Variants in CACNA1G observed in about 807,000 individuals in gnomAD.
CACNA1G encodes calcium voltage-gated channel subunit alpha1 G.
In CACNA1G, 67 loss-of-function variants were observed where a neutral mutation model predicts 219.4. That is an observed-to-expected ratio of 0.31 (90% CI 0.25 to 0.37). CACNA1G has a LOEUF of 0.37. Ranked by LOEUF, CACNA1G falls within the 10% of genes least tolerant of loss-of-function variation. The pLI, the probability that CACNA1G is intolerant of heterozygous loss-of-function variation, is 1.00. For missense variants in CACNA1G, 2,380 were observed against 3,231.4 expected, an observed-to-expected ratio of 0.74 and a Z score of 6.39; for synonymous variants, 1,296 against 1,345.3, an observed-to-expected ratio of 0.96 and a Z score of 0.80.
rs370576624 is a variant in CACNA1G at position 50,601,075 on chromosome 17, C to T, written c.3816C>T (p.Ile1272=). 1.5e-5 allele frequency: 24 copies of T among 1,613,894 alleles called. No individual in the cohort carries two copies. In the African/African-American group the frequency reaches 2.7e-4, roughly 18 times the overall value. ...GGTTCCGCCTCCTGTGTCACCGGAT[C>T]ATCACCCACAAGATGTTCGACCACG... ...QSRFRLLCHR[I]ITHKMFDHVV... is the part of the protein sequence containing the mutation. The change falls in exon 19 of 38, where the codon ATC becomes ATT. Residue 1272 remains isoleucine, a synonymous_variant. Coordinates refer to ENST00000359106, the MANE Select transcript of CACNA1G (RefSeq NM_018896.5).
intron 33 of CACNA1G, among the ~76,000 whole-genome samples, chr17:50,619,394 T>A (rs1015287000): frequency 6.6e-6 from 1 of 152,120 alleles, no homozygotes; most frequent in African/African-American, 2.4e-5. Context: ...TCCATCCTTT[T>A]ATCTTCTCTT....
Position 50,599,630 on chromosome 17 carries a change from C to A in CACNA1G, c.3461C>A (p.Ala1154Glu), listed in dbSNP as rs753357544. ...TCAGAAGAGGAGCGGGCCAGCCCTG[C>A]GGGCAGTGACCATCGCCACAGGGGG... ...ESSEEERASP[A>E]GSDHRHRGSL... The change falls in exon 17 of 38, where the codon GCG (alanine) becomes GAG (glutamate). Residue 1154 changes from alanine (A) to glutamate (E), a missense_variant. By Grantham distance (107) the Ala-to-Glu change is moderately radical. This residue lies in a region of CACNA1G where 418 missense variants were observed against 434.3 expected (regional missense o/e 0.96). Transcript: ENST00000359106. The A allele has an allele frequency of 6.2e-7, 1 of 1,612,724 alleles. No homozygotes were observed. The highest frequency in any genetic ancestry group is 2.2e-5 in the East Asian group (1 of 44,846).
intron 25 of CACNA1G, among the ~76,000 whole-genome samples, chr17:50,609,645 C>A (rs1598614670): frequency 1.3e-5 from 2 of 152,306 alleles, no homozygotes; most frequent in East Asian, 3.9e-4. Context: ...CGGCTGCCTG[C>A]CCCTCCCGGT....
intron 35 of CACNA1G, among the ~76,000 whole-genome samples, chr17:50,622,025 C>T (rs2052238972): frequency 6.6e-6 from 1 of 152,158 alleles, no homozygotes; most frequent in South Asian, 2.1e-4. Context: ...TGGGGCCTTG[C>T]CCTGAAGGGT....
rs1303318542 is a variant in CACNA1G, at chr17:50,561,614, C to T, written c.155C>T (p.Pro52Leu). 5 of 1,593,512 alleles carry T rather than the reference C, an allele frequency of 3.1e-6. No homozygotes were observed. The highest frequency in any genetic ancestry group is 1.3e-5 in the African/African-American group (1 of 74,688). The stretch of plus-strand genomic sequence containing the variant: ...GCGGACTCCGAGGCGGAGGGGCTGC[C>T]GTACCCGGCGCTGGCCCCGGTGGTT... ...GSADSEAEGL[P>L]YPALAPVVFF... Residue 52 changes from proline (P) to leucine (L), a missense_variant, in exon 1 of 38, where the codon CCG becomes CTG. Pro to Leu is a moderately conservative substitution (Grantham distance 98). Transcript: ENST00000359106.
In CACNA1G at chr17:50,617,618, G is replaced by A. The variant is rs550089462; in HGVS notation, c.5155+47G>A. The A allele has an allele frequency of 1.1e-5, 17 of 1,598,578 alleles. No homozygotes were observed. Among genetic ancestry groups the A allele is most frequent in the Non-Finnish European group, 1.4e-5 (16 of 1,169,668 alleles). On this transcript the variant is annotated intron_variant, in intron 29 of 37. Coordinates refer to ENST00000359106, the MANE Select transcript of CACNA1G (RefSeq NM_018896.5). This position sits in a 1 kb window ranked among gnomAD's most constrained non-coding sequence, Gnocchi z 5.8. The stretch of plus-strand genomic sequence containing the variant: ...CTGCCCTCCTAGGGTGACCAGCCCA[G>A]GGAGAGAGAGCAAGGGTCGGCTTTG...
chr17:50,571,221 CA>C lies in CACNA1G; in HGVS notation c.587-656del, dbSNP rs957284338. ...ATCTGGACCAAGCAGGGAATAGTTT[CA>C]GGGAAGCAGGGCTCAGAGCCATAGT... is the stretch of plus-strand genomic sequence containing the variant. On this transcript the variant is annotated intron_variant, in intron 4 of 37. Transcript: ENST00000359106. This position sits in a 1 kb window ranked among gnomAD's most constrained non-coding sequence, Gnocchi z 4.3. Among the ~76,000 whole-genome samples the C allele has an allele frequency of 6.6e-6, 1 of 152,192 alleles. No individual in the cohort carries two copies. Among genetic ancestry groups the C allele is most frequent in the African/African-American group, 2.4e-5 (1 of 41,450 alleles).
rs1264762512 is a variant in CACNA1G, at chr17:50,561,209, G to GA, written c.-249dup. The GA allele has an allele frequency of 1.8e-6, 1 of 570,288 alleles. No individual in the cohort carries two copies. The highest frequency in any genetic ancestry group is 2.0e-5 in the African/African-American group (1 of 49,958). 35.3% of individuals were successfully genotyped at this position (570,288 alleles called of 1,614,324 possible). A position where few individuals can be genotyped will look rare whatever the true frequency, so the allele number is the denominator to read the frequency against. On this transcript the variant is annotated 5_prime_UTR_variant, in exon 1 of 38. Coordinates refer to ENST00000359106, the MANE Select transcript of CACNA1G (RefSeq NM_018896.5). ...AGGGGGAGCCGGCCGGCTGGCCCGG[G>GA]AAGCCCCAGGGGCGCAGGGGAAGCG... is the stretch of plus-strand genomic sequence containing the variant.
chr17:50,597,621 A>AT (rs907337555), intron 16 of CACNA1G, among the ~76,000 whole-genome samples: 25 of 152,212 alleles, frequency 1.6e-4, no homozygotes, highest in Middle Eastern at 3.4e-3. Context: ...TCACATACTT[A>AT]TTTTTTTTGT....
At chr17:50,620,137 A>C (rs867851283) in intron 34 of CACNA1G, among the ~76,000 whole-genome samples, 1 of 150,846 alleles carries the variant, frequency 6.6e-6, no homozygotes, top group Non-Finnish European at 1.5e-5. Context: ...GGGGCAGAAG[A>C]TAAGTTAGCA....
intron 1 of CACNA1G, among the ~76,000 whole-genome samples, chr17:50,562,781 G>A (rs2036260238): frequency 6.6e-6 from 1 of 152,204 alleles, no homozygotes; most frequent in South Asian, 2.1e-4. Context: ...TTTGGGGAAT[G>A]CAAGCCCCAC....
chr17:50,622,345 T>C (rs2052368538), intron 35 of CACNA1G, among the ~76,000 whole-genome samples: 1 of 151,936 alleles, frequency 6.6e-6, no homozygotes, highest in African/African-American at 2.4e-5. Flanking sequence ...GTGGGGTGAA[T>C]GGGGCTTCTC....
intron 9 of CACNA1G, among the ~76,000 whole-genome samples, chr17:50,586,089 C>G (rs998161402): frequency 6.6e-6 from 1 of 152,194 alleles, no homozygotes; most frequent in Admixed American, 6.5e-5. Flanking sequence ...TCTGCCAGAG[C>G]TGGCTCTCAG....
At chr17:50,583,510 T>C (rs878993651) in intron 9 of CACNA1G, among the ~76,000 whole-genome samples, 6 of 152,128 alleles carry the variant, frequency 3.9e-5, no homozygotes, top group Admixed American at 3.3e-4. Context: ...TTCTGTTTCA[T>C]GGATGATTAT....
rs372554187 is a variant in CACNA1G, at chr17:50,616,351, T to C, written c.4988T>C (p.Val1663Ala). The C allele has an allele frequency of 3.1e-6, 5 of 1,613,454 alleles. No homozygotes were observed. In the African/African-American group the frequency reaches 4.0e-5, roughly 13 times the overall value. Residue 1663 changes from valine to alanine, a missense_variant, in exon 28 of 38, where the codon GTG becomes GCG. By Grantham distance (64) the Val-to-Ala change is moderately conservative (BLOSUM62 0). Around this residue, in one of 17 missense-constraint regions of CACNA1G, gnomAD observed 123 missense variants for 258.4 expected, o/e 0.48. Transcript: ENST00000359106. ...GTCTTGGAGTCAGTTTTCAAACTTGTGGCCTTTGGTTTCCGTCGGTTCTTC... is the reference window on the plus strand; with the variant it reads ...GTCTTGGAGTCAGTTTTCAAACTTGCGGCCTTTGGTTTCCGTCGGTTCTTC... ...IFVLESVFKLVAFGFRRFFQD... is the reference protein window; with the variant it reads ...IFVLESVFKLAAFGFRRFFQD...
In CACNA1G at chr17:50,621,084, C is replaced by T. The variant is rs1360784356; in HGVS notation, c.5926-576C>T. Among the ~76,000 whole-genome samples, 1 of 152,118 alleles carries T rather than the reference C, an allele frequency of 6.6e-6. No homozygotes were observed. Among genetic ancestry groups the T allele is most frequent in the Non-Finnish European group, 1.5e-5 (1 of 68,022 alleles). On this transcript the variant is annotated intron_variant, in intron 34 of 37. Transcript: ENST00000359106. This position sits in a 1 kb window ranked among gnomAD's most constrained non-coding sequence, Gnocchi z 4.6. ...AGAGGGCGGGCGGGCTGCAGGCAGG[C>T]GGAGGAGGGCCCACGAGGGGAGAAG...
intron 1 of CACNA1G, among the ~76,000 whole-genome samples, chr17:50,565,625 A>G (rs2037592376): frequency 6.6e-6 from 1 of 152,102 alleles, no homozygotes; most frequent in South Asian, 2.1e-4. Context: ...CTAGGTGGGA[A>G]TGGGGCCGCT....
At chr17:50,573,176 C>A in intron 7 of CACNA1G, 63 bp downstream of exon 7, 1 of 1,198,428 alleles carries the variant, frequency 8.3e-7, no homozygotes, top group South Asian at 1.3e-5. Flanking sequence ...GGGGGCAGTC[C>A]AGAGAGGGGA....
At chr17:50,572,946 G>T (rs939059884) in intron 6 of CACNA1G, 75 bp from the exon 7 acceptor site, 5 of 1,566,154 alleles carry the variant, frequency 3.2e-6, no homozygotes, top group Non-Finnish European at 4.4e-6. Flanking sequence ...GTTGGGGTGG[G>T]GGTCAAGGCC....
Sources: allele counts gnomAD v4.1 joint callset (sites outside exome capture counted in the v4.1 genomes callset), GRCh38; gene constraint gnomAD v4.1.1; regional missense constraint gnomAD v4.1.1; non-coding constraint Gnocchi (gnomAD v3.1); transcripts MANE v1.5; gene names NCBI Gene and HGNC (gene_info 2026-07-23, HGNC 2026-07-21).